CALCOCO2: variants seen among roughly 807,000 people sequenced by gnomAD.
CALCOCO2 encodes calcium binding and coiled-coil domain 2.
Under a neutral mutation model 62.5 loss-of-function variants are expected in CALCOCO2, and 42 were observed. The observed-to-expected ratio is 0.67, with a 90% CI of 0.53 to 0.87. The LOEUF is 0.87. Among genes scored for constraint, CALCOCO2 ranks in the 40% least tolerant of loss-of-function variants. The pLI, the probability that CALCOCO2 is intolerant of heterozygous loss-of-function variation, is 0.00. For synonymous variants in CALCOCO2, 167 were observed against 173.0 expected (o/e 0.97, Z 0.27); for missense variants, 456 against 515.0 (o/e 0.89, Z 1.11).
At chr17:48,854,394 A>T (rs79282088) in intron 9 of CALCOCO2, among the ~76,000 whole-genome samples, 1 of 2,826 alleles carries the variant, frequency 3.5e-4, no homozygotes, top group African/African-American at 4.9e-4. Flanking sequence ...ATATATATAT[A>T]TATTTTTTTT....
intron 1 of CALCOCO2, among the ~76,000 whole-genome samples, chr17:48,833,286 G>A (rs2039841637): frequency 6.6e-6 from 1 of 152,214 alleles, no homozygotes; most frequent in South Asian, 2.1e-4. Context: ...GCCGGGCACA[G>A]TGGCTCACGC....
At chr17:48,859,698 A>G (rs948708230) in intron 10 of CALCOCO2, among the ~76,000 whole-genome samples, 2 of 152,220 alleles carry the variant, frequency 1.3e-5, no homozygotes, top group African/African-American at 4.8e-5. Flanking sequence ...AGCTCCTGCC[A>G]CTTTCATATA....
intron 1 of CALCOCO2, among the ~76,000 whole-genome samples, chr17:48,832,389 G>A (rs145799151): frequency 0.11 from 16,544 of 152,194 alleles, 1,577 homozygotes; most frequent in African/African-American, 0.26. Flanking sequence ...GTGAGACTCC[G>A]TCTCAAAAAA....
At chr17:48,855,266 G>A (rs1421383162) in intron 9 of CALCOCO2, among the ~76,000 whole-genome samples, 1 of 152,144 alleles carries the variant, frequency 6.6e-6, no homozygotes, top group African/African-American at 2.4e-5. Flanking sequence ...TCTGCCTTTT[G>A]AGGAAGTGAA....
intron 1 of CALCOCO2, among the ~76,000 whole-genome samples, chr17:48,837,390 A>G (rs868866926): frequency 4.0e-5 from 6 of 151,806 alleles, no homozygotes; most frequent in African/African-American, 1.5e-4. Context: ...CATGCCTGTA[A>G]TCCCAGCACT....
intron 1 of CALCOCO2, among the ~76,000 whole-genome samples, chr17:48,838,779 A>G (rs1486161291): frequency 6.6e-6 from 1 of 152,166 alleles, no homozygotes; most frequent in Non-Finnish European, 1.5e-5. Flanking sequence ...TCCAGCATAT[A>G]CCAATAGCTG....
intron 2 of CALCOCO2, among the ~76,000 whole-genome samples, chr17:48,842,940 T>TGTA (rs1397964283): frequency 6.6e-6 from 1 of 152,222 alleles, no homozygotes. Context: ...GAAATATTTA[T>TGTA]GTATGACTTG....
At chr17:48,836,060 G>C (rs1005588593) in intron 1 of CALCOCO2, among the ~76,000 whole-genome samples, 2 of 152,084 alleles carry the variant, frequency 1.3e-5, no homozygotes, top group Non-Finnish European at 2.9e-5. Context: ...CAGATTGGTT[G>C]TTTTTCTGGT....
At chr17:48,835,981 C>T (rs2039885617) in intron 1 of CALCOCO2, among the ~76,000 whole-genome samples, 1 of 152,110 alleles carries the variant, frequency 6.6e-6, no homozygotes, top group African/African-American at 2.4e-5. Flanking sequence ...GAACTCCTTA[C>T]CTCAAGTGAT....
chr17:48,845,728 C>CAAAAA (rs534937285), intron 2 of CALCOCO2, among the ~76,000 whole-genome samples: 4 of 107,842 alleles, frequency 3.7e-5, no homozygotes, highest in East Asian at 6.4e-4. Context: ...GACTCCATCT[C>CAAAAA]AAAAAAAAAA....
rs547222720 is a variant in CALCOCO2 at position 48,863,943 on chromosome 17, A to G, written c.*938A>G. 1.3e-5 allele frequency: 2 copies of G among 152,224 alleles called. No homozygotes were observed. Among genetic ancestry groups the G allele is most frequent in the East Asian group, 1.9e-4 (1 of 5,184 alleles). The allele number at this position is 152,224 out of a possible 1,614,324, so 9.4% of individuals were successfully genotyped here. A position where few individuals can be genotyped will look rare whatever the true frequency, so the allele number is the denominator to read the frequency against. ...GCTATGGGAAGGGCAGACCCCGCCAATGATTTCTCTTCACCTGTCTTAAGA... is the reference window on the plus strand; with the variant it reads ...GCTATGGGAAGGGCAGACCCCGCCAGTGATTTCTCTTCACCTGTCTTAAGA... On this transcript the variant is annotated 3_prime_UTR_variant, in exon 13 of 13. Transcript: ENST00000258947.
At chr17:48,852,287 A>T (rs971854105) in intron 7 of CALCOCO2, 2 of 444,656 alleles carry the variant, frequency 4.5e-6, no homozygotes, top group African/African-American at 3.9e-5. Flanking sequence ...AATCGTACTC[A>T]AAAGTCTGGA....
intron 9 of CALCOCO2, among the ~76,000 whole-genome samples, chr17:48,853,497 G>C (rs557694106): frequency 6.6e-6 from 1 of 152,186 alleles, no homozygotes; most frequent in African/African-American, 2.4e-5. Context: ...TCCCCAGGGC[G>C]TTGACAGGTG....
intron 1 of CALCOCO2, among the ~76,000 whole-genome samples, chr17:48,838,318 A>G (rs1020111140): frequency 1.3e-5 from 2 of 152,112 alleles, no homozygotes; most frequent in Admixed American, 1.3e-4. Context: ...GTCGATCTTT[A>G]ACTACCAGGC....
At chr17:48,861,206 A>G (rs909550075) in intron 11 of CALCOCO2, among the ~76,000 whole-genome samples, 1 of 152,000 alleles carries the variant, frequency 6.6e-6, no homozygotes. Context: ...TGTCTCTACT[A>G]AAAATACAAA....
At chr17:48,846,850 A>G (rs149153549) in intron 2 of CALCOCO2, among the ~76,000 whole-genome samples, 2 of 152,258 alleles carry the variant, frequency 1.3e-5, no homozygotes, top group African/African-American at 4.8e-5. Context: ...CAATAAATGT[A>G]ATTTTGCTTC....
intron 5 of CALCOCO2, among the ~76,000 whole-genome samples, chr17:48,850,046 A>T (rs576145536): frequency 6.6e-6 from 1 of 151,900 alleles, no homozygotes; most frequent in Non-Finnish European, 1.5e-5. Flanking sequence ...CATGCCTGTA[A>T]TCTCAGCACT....
intron 1 of CALCOCO2, among the ~76,000 whole-genome samples, chr17:48,838,735 C>T (rs1021773133): frequency 6.6e-6 from 1 of 151,956 alleles, no homozygotes; most frequent in South Asian, 2.1e-4. Context: ...ATATATATAA[C>T]AATTACATGT....
chr17:48,862,695 C>G (rs1567761874), intron 12 of CALCOCO2, 143 bp from the exon 13 acceptor site: 2 of 681,190 alleles, frequency 2.9e-6, no homozygotes, highest in Admixed American at 4.9e-5. Flanking sequence ...TGTGCATTCT[C>G]TTCATTCATT....
Sources: allele counts gnomAD v4.1 joint callset (sites outside exome capture counted in the v4.1 genomes callset), GRCh38; gene constraint gnomAD v4.1.1; transcripts MANE v1.5; gene names NCBI Gene and HGNC (gene_info 2026-07-23, HGNC 2026-07-21).